Variants in KCNQ5 observed in about 807,000 individuals in gnomAD.
The protein encoded by KCNQ5 is potassium voltage-gated channel subfamily KQT member 5.
A neutral mutation model predicts 98.2 loss-of-function variants in KCNQ5; 30 were observed. The observed-to-expected ratio is 0.31, with a 90% CI of 0.23 to 0.41. The LOEUF is 0.41. KCNQ5 is among the 10% of genes least tolerant of loss of function. The pLI, the probability that KCNQ5 is intolerant of heterozygous loss-of-function variation, is 1.00. For missense variants in KCNQ5, 835 were observed against 1,182.5 expected, an observed-to-expected ratio of 0.71 and a Z score of 4.31; for synonymous variants, 458 against 449.4, an observed-to-expected ratio of 1.02 and a Z score of -0.24.
intron 2 of KCNQ5, among the ~76,000 whole-genome samples, chr6:73,016,973 T>C (rs934939261): frequency 6.6e-6 from 1 of 152,168 alleles, no homozygotes; most frequent in Admixed American, 6.6e-5. Flanking sequence ...GATTTCCCAC[T>C]TGGTCTCTGA....
At chr6:73,096,337 A>C (rs1774495791) in intron 5 of KCNQ5, among the ~76,000 whole-genome samples, 1 of 2,002 alleles carries the variant, frequency 5.0e-4, no homozygotes, top group African/African-American at 1.7e-3. Context: ...GTCCTTAGGC[A>C]AAAAAAAAAA....
At chr6:72,654,638 C>G (rs942591174) in intron 1 of KCNQ5, among the ~76,000 whole-genome samples, 2 of 152,012 alleles carry the variant, frequency 1.3e-5, no homozygotes, top group African/African-American at 4.8e-5. Flanking sequence ...GAGAAGACAA[C>G]TTTAAGACAT....
chr6:72,827,352 T>C (rs1222595609), intron 1 of KCNQ5, among the ~76,000 whole-genome samples: 1 of 152,024 alleles, frequency 6.6e-6, no homozygotes, highest in Non-Finnish European at 1.5e-5. Flanking sequence ...AGAGGTATAA[T>C]ATACAGTTCC....
chr6:72,704,839 G>A (rs1397252293), intron 1 of KCNQ5, among the ~76,000 whole-genome samples: 1 of 152,072 alleles, frequency 6.6e-6, no homozygotes, highest in African/African-American at 2.4e-5. Context: ...TAATTATAAT[G>A]CTATTGCATT....
At chr6:72,846,319 G>A (rs542692996) in intron 1 of KCNQ5, among the ~76,000 whole-genome samples, 13 of 152,126 alleles carry the variant, frequency 8.5e-5, no homozygotes, top group Non-Finnish European at 1.6e-4. Flanking sequence ...ACTGATTTTA[G>A]AATCAATTAA....
intron 1 of KCNQ5, among the ~76,000 whole-genome samples, chr6:72,747,959 A>G (rs1396893712): frequency 6.6e-6 from 1 of 152,168 alleles, no homozygotes. Flanking sequence ...TGGGACTTTC[A>G]TTTCACATCA....
intron 1 of KCNQ5, among the ~76,000 whole-genome samples, chr6:72,650,923 G>A (rs77807519): frequency 8.3e-4 from 126 of 152,160 alleles, no homozygotes; most frequent in African/African-American, 2.9e-3. Flanking sequence ...AGAGGGGGTC[G>A]TGTTTAAATT....
chr6:73,095,088 C>G (rs1321478159), intron 5 of KCNQ5, among the ~76,000 whole-genome samples: 1 of 152,174 alleles, frequency 6.6e-6, no homozygotes, highest in Non-Finnish European at 1.5e-5. Context: ...CTAACATAAT[C>G]CCAGACTTCT....
At chr6:73,142,327 A>C (rs1776755215) in intron 10 of KCNQ5, among the ~76,000 whole-genome samples, 1 of 152,080 alleles carries the variant, frequency 6.6e-6, no homozygotes, top group African/African-American at 2.4e-5. Context: ...CTTCAGATAG[A>C]TTATGTCTTT....
At chr6:73,182,143 C>T (rs1349438154) in intron 11 of KCNQ5, among the ~76,000 whole-genome samples, 1 of 152,176 alleles carries the variant, frequency 6.6e-6, no homozygotes, top group African/African-American at 2.4e-5. Flanking sequence ...CTTATCTAAA[C>T]CAGGGGTCAG....
intron 1 of KCNQ5, among the ~76,000 whole-genome samples, chr6:72,823,477 T>C (rs1341944605): frequency 1.3e-5 from 2 of 152,180 alleles, no homozygotes; most frequent in African/African-American, 4.8e-5. Context: ...GTCACATTTC[T>C]GAAAAAAATT....
chr6:72,778,038 G>A (rs539734948), intron 1 of KCNQ5, among the ~76,000 whole-genome samples: 4 of 152,186 alleles, frequency 2.6e-5, no homozygotes, highest in South Asian at 4.2e-4. Context: ...CAAAGGTCAC[G>A]GTAAGAGAAA....
At chr6:72,733,180 G>T (rs575960462) in intron 1 of KCNQ5, among the ~76,000 whole-genome samples, 22 of 152,288 alleles carry the variant, frequency 1.4e-4, no homozygotes, top group African/African-American at 4.8e-4. Context: ...GGTGAGTAGG[G>T]TAGGGTGAAA....
intron 1 of KCNQ5, among the ~76,000 whole-genome samples, chr6:72,669,978 A>G (rs950466305): frequency 1.6e-5 from 2 of 126,660 alleles, no homozygotes; most frequent in African/African-American, 6.1e-5. Flanking sequence ...TGGTTCCTTT[A>G]TACTTAACAG....
intron 1 of KCNQ5, among the ~76,000 whole-genome samples, chr6:72,773,820 C>G (rs541758475): frequency 7.2e-5 from 11 of 151,944 alleles, no homozygotes; most frequent in Non-Finnish European, 1.3e-4. Context: ...TAAAGGACAG[C>G]TAATGTCTTC....
intron 1 of KCNQ5, among the ~76,000 whole-genome samples, chr6:72,827,567 A>G (rs1023252851): frequency 1.3e-5 from 2 of 151,512 alleles, no homozygotes; most frequent in Admixed American, 6.6e-5. Context: ...ACCATTTTTT[A>G]CTCATATTAT....
At chr6:73,102,113 T>C (rs1774803117) in intron 5 of KCNQ5, among the ~76,000 whole-genome samples, 4 of 152,102 alleles carry the variant, frequency 2.6e-5, no homozygotes, top group Admixed American at 2.6e-4. Flanking sequence ...AGTGAACTCA[T>C]TTTCGACAAA....
chr6:73,196,916 A>G lies in KCNQ5; in HGVS notation c.*1502A>G, dbSNP rs1765806773. The stretch of plus-strand genomic sequence containing the variant: ...ATCTTAGGTCACCAGAACTTCAGCC[A>G]ACGTAATGACATTCAAAAAAAAAGG... On this transcript the variant is annotated 3_prime_UTR_variant, in exon 14 of 14. Transcript: ENST00000370398. 1.3e-5 allele frequency: 2 copies of G among 152,178 alleles called. No homozygotes were observed. Among genetic ancestry groups the G allele is most frequent in the Non-Finnish European group, 1.5e-5 (1 of 68,038 alleles). 9.4% of individuals were successfully genotyped at this position (152,178 alleles called of 1,614,324 possible). A position where few individuals can be genotyped will look rare whatever the true frequency, so the allele number is the denominator to read the frequency against.
chr6:72,640,811 C>T (rs2098926831), intron 1 of KCNQ5: 1 of 152,106 alleles, frequency 6.6e-6, no homozygotes, highest in Admixed American at 6.6e-5. Flanking sequence ...GGTGGTCAAT[C>T]CTGTATAGAA....
Sources: allele counts gnomAD v4.1 joint callset (sites outside exome capture counted in the v4.1 genomes callset), GRCh38; gene constraint gnomAD v4.1.1; transcripts MANE v1.5; gene names NCBI Gene and HGNC (gene_info 2026-07-23, HGNC 2026-07-21).